The following NACC1 variants were observed in gnomAD, a reference collection of about 807,000 sequenced individuals.
NACC1 encodes the protein nucleus accumbens associated 1.
A neutral mutation model predicts 41.7 loss-of-function variants in NACC1; 6 were observed. The observed-to-expected ratio is 0.14, with a 90% CI of 0.08 to 0.28. NACC1 has a LOEUF of 0.28. NACC1 is among the 10% of genes least tolerant of loss of function. The pLI is 1.00. For missense variants in NACC1, 434 were observed against 763.7 expected (o/e 0.57, Z 5.09); for synonymous variants, 338 against 330.6 (o/e 1.02, Z -0.24).
chr19:13,131,099 C>A (rs904772474), intron 1 of NACC1, among the ~76,000 whole-genome samples: 70 of 152,252 alleles, frequency 4.6e-4, no homozygotes, highest in African/African-American at 1.7e-3. Flanking sequence ...TTGACATACC[C>A]ACCCCAACTG....
At chr19:13,134,458 T>A (rs979909786) in intron 1 of NACC1, among the ~76,000 whole-genome samples, 8 of 151,724 alleles carry the variant, frequency 5.3e-5, no homozygotes, top group Non-Finnish European at 1.0e-4. Context: ...GCAACCTCTG[T>A]CTCCTGGGTT....
At chr19:13,122,844 C>T (rs1420379485) in intron 1 of NACC1, among the ~76,000 whole-genome samples, 1 of 152,244 alleles carries the variant, frequency 6.6e-6, no homozygotes. Context: ...CGGCCCAGCA[C>T]GGGGCCAGGG....
chr19:13,129,885 C>T (rs1353163018), intron 1 of NACC1, among the ~76,000 whole-genome samples: 1 of 151,256 alleles, frequency 6.6e-6, no homozygotes, highest in East Asian at 1.9e-4. Context: ...GGTTCAAGAC[C>T]AGCCTGGACA....
chr19:13,125,905 T>C (rs1169728937), intron 1 of NACC1, among the ~76,000 whole-genome samples: 1 of 151,720 alleles, frequency 6.6e-6, no homozygotes, highest in Non-Finnish European at 1.5e-5. Context: ...CCCAGCTAAT[T>C]TTTGTATTTT....
chr19:13,135,381 G>T lies in NACC1; in HGVS notation c.174G>T (p.Leu58=), dbSNP rs1262538329. 6.2e-7 allele frequency: 1 copy of T among 1,613,662 alleles called. No homozygotes were observed. The highest frequency in any genetic ancestry group is 1.7e-5 in the Admixed American group (1 of 60,032). The stretch of plus-strand genomic sequence containing the variant: ...CCAGCAGCTCCTACTTCCGGGACCT[G>T]TTCAACAACAGCCGCAGCGCCGTGG... The part of the protein sequence containing the change: ...LAASSSYFRD[L]FNNSRSAVVE... The change falls in exon 2 of 6, where the codon CTG becomes CTT. Residue 58 remains leucine, a synonymous_variant. Transcript: ENST00000292431.
At chr19:13,129,880 A>C (rs2019610988) in intron 1 of NACC1, among the ~76,000 whole-genome samples, 1 of 151,626 alleles carries the variant, frequency 6.6e-6, no homozygotes, top group Non-Finnish European at 1.5e-5. Flanking sequence ...GGGGGGGTTC[A>C]AGACCAGCCT....
rs1041328846 is a variant in NACC1, at chr19:13,137,758, G to T, written c.1324+183G>T. 6.6e-6 allele frequency among the ~76,000 whole-genome samples: 1 copy of T among 152,186 alleles called. No homozygotes were observed. The highest frequency in any genetic ancestry group is 1.5e-5 in the Non-Finnish European group (1 of 68,044). On this transcript the variant is annotated intron_variant, in intron 5 of 5. Coordinates refer to ENST00000292431, the MANE Select transcript of NACC1 (RefSeq NM_052876.4). The surrounding 1 kb of genome is among the most constrained non-coding windows in gnomAD (Gnocchi z 6.1). ...ATTTCTTCGTGTTTGGGGGATGCAC[G>T]TGCCGAAGGGAAGCCAGGGAGCCTG...
rs1219343610 is a variant in NACC1, at chr19:13,140,354, A to AG, written c.*1952dup. 2 of 151,832 alleles carry AG rather than the reference A, an allele frequency of 1.3e-5. No individual in the cohort carries two copies. The highest frequency in any genetic ancestry group is 2.4e-5 in the African/African-American group (1 of 41,008). 9.4% of individuals were successfully genotyped at this position (151,832 alleles called of 1,614,324 possible). On this transcript the variant is annotated 3_prime_UTR_variant, in exon 6 of 6. Coordinates refer to ENST00000292431, the MANE Select transcript of NACC1 (RefSeq NM_052876.4). This position sits in a 1 kb window ranked among gnomAD's most constrained non-coding sequence, Gnocchi z 4.0. ...AAGCGGCTGGGCCTGACGGAGGCCG[A>AG]GGGGCAGACCGGGGCTCCAGCCAGA...
intron 1 of NACC1, among the ~76,000 whole-genome samples, chr19:13,133,770 G>A (rs140821090): frequency 2.0e-3 from 301 of 152,254 alleles, no homozygotes; most frequent in East Asian, 0.018. Context: ...AAATGTTTTC[G>A]TTTTTCCTGG....
intron 1 of NACC1, chr19:13,131,875 T>A (rs1248596677): frequency 6.6e-6 from 1 of 152,088 alleles, no homozygotes; most frequent in Non-Finnish European, 1.5e-5. Context: ...TTGTTTTTGT[T>A]TTGAGACATA....
At chr19:13,123,761 C>T in intron 1 of NACC1, among the ~76,000 whole-genome samples, 1 of 152,194 alleles carries the variant, frequency 6.6e-6, no homozygotes, top group East Asian at 1.9e-4. Flanking sequence ...GTTTTCCCAC[C>T]TGTGAAATGG....
chr19:13,120,389 C>A (rs1387357755), intron 1 of NACC1, among the ~76,000 whole-genome samples: 1 of 152,220 alleles, frequency 6.6e-6, no homozygotes, highest in Non-Finnish European at 1.5e-5. Context: ...AGGCTGTTAC[C>A]AGGGTGTCCT....
At chr19:13,125,821 CT>C (rs1289265495) in intron 1 of NACC1, among the ~76,000 whole-genome samples, 3 of 152,132 alleles carry the variant, frequency 2.0e-5, no homozygotes, top group Non-Finnish European at 4.4e-5. Context: ...CTCGCTGCAA[CT>C]TCCACCTCCT....
Position 13,138,649 on chromosome 19 carries a change from A to G in NACC1, c.*243A>G. 1 of 573,526 alleles carries G rather than the reference A, an allele frequency of 1.7e-6. No individual in the cohort carries two copies. The highest frequency in any genetic ancestry group is 3.1e-6 in the Non-Finnish European group (1 of 324,886). 35.5% of individuals were successfully genotyped at this position (573,526 alleles called of 1,614,324 possible). A position where few individuals can be genotyped will look rare whatever the true frequency, so the allele number is the denominator to read the frequency against. On this transcript the variant is annotated 3_prime_UTR_variant, in exon 6 of 6. Transcript: ENST00000292431. The surrounding 1 kb of genome is among the most constrained non-coding windows in gnomAD (Gnocchi z 5.7). ...TTAACACACACTCGTGCAGTGGGGG[A>G]GTTCTGGCTCCCCAACCTAACCCCT...
chr19:13,119,266 T>TTC (rs2019457899), intron 1 of NACC1, among the ~76,000 whole-genome samples: 1 of 148,902 alleles, frequency 6.7e-6, no homozygotes, highest in South Asian at 2.1e-4. Context: ...TGTTAAGGGG[T>TTC]TCCGTCTTTC....
At chr19:13,120,818 C>T (rs895471820) in intron 1 of NACC1, among the ~76,000 whole-genome samples, 10 of 152,204 alleles carry the variant, frequency 6.6e-5, no homozygotes, top group South Asian at 4.1e-4. Flanking sequence ...CAGGCAGCTC[C>T]GGTTTGTGCC....
chr19:13,126,017 G>A (rs1435716699), intron 1 of NACC1, among the ~76,000 whole-genome samples: 3 of 151,458 alleles, frequency 2.0e-5, no homozygotes, highest in African/African-American at 4.9e-5. Context: ...GATTACAGGC[G>A]TGAACCACCA....
upstream of NACC1, chr19:13,117,257 G>A (rs2019398457): frequency 6.6e-6 from 1 of 152,196 alleles, no homozygotes; most frequent in South Asian, 2.1e-4. Context: ...AAGTGGTCCC[G>A]GCTACCTGGG....
chr19:13,133,364 AAAAG>A (rs1261700424), intron 1 of NACC1, among the ~76,000 whole-genome samples: 1 of 151,754 alleles, frequency 6.6e-6, no homozygotes, highest in Non-Finnish European at 1.5e-5. Context: ...TCAAAAAAAA[AAAAG>A]AAAAAAGAAT....
Sources: gnomAD v4.1 joint callset for allele counts (sites outside exome capture counted in the v4.1 genomes callset) on GRCh38, gnomAD v4.1.1 for gene constraint, Gnocchi (gnomAD v3.1) non-coding constraint, MANE v1.5 for transcripts, NCBI Gene and HGNC (gene_info 2026-07-23, HGNC 2026-07-21) for gene names.